Variants in MTBP observed in about 807,000 individuals in gnomAD.
MTBP encodes the protein MDM2 binding protein.
A neutral mutation model predicts 117.0 loss-of-function variants in MTBP; 101 were observed. The ratio of observed to expected loss-of-function variants is 0.86; its 90% CI spans 0.73 to 1.02. The LOEUF (loss-of-function observed/expected upper bound fraction) is 1.02, where lower values mean the gene tolerates loss of function less well. MTBP is among the 50% of genes least tolerant of loss of function. MTBP has a pLI of 0.00. For synonymous variants in MTBP, 350 were observed against 351.5 expected (o/e 1.00, Z 0.05); for missense variants, 970 against 1,030.9 (o/e 0.94, Z 0.81).
intron 11 of MTBP, among the ~76,000 whole-genome samples, chr8:120,484,817 C>A (rs1049162561): frequency 1.3e-5 from 2 of 152,138 alleles, no homozygotes; most frequent in African/African-American, 2.4e-5. Context: ...ATTTCCACCA[C>A]CCATTCCTCC....
At chr8:120,512,825 T>A (rs976142371) in intron 17 of MTBP, among the ~76,000 whole-genome samples, 3 of 151,834 alleles carry the variant, frequency 2.0e-5, no homozygotes. Flanking sequence ...TCAAGAAGAT[T>A]TGGGTGTATA....
At chr8:120,519,497 A>G (rs1397119840) in intron 20 of MTBP, among the ~76,000 whole-genome samples, 1 of 152,142 alleles carries the variant, frequency 6.6e-6, no homozygotes, top group Non-Finnish European at 1.5e-5. Flanking sequence ...AAACTTAGAC[A>G]ATGTTAGATT....
intron 13 of MTBP, among the ~76,000 whole-genome samples, chr8:120,492,346 G>A (rs890946547): frequency 3.9e-5 from 6 of 152,208 alleles, no homozygotes; most frequent in African/African-American, 7.2e-5. Context: ...AGAGGCAAAC[G>A]ACAGCAAAAG....
chr8:120,518,988 T>G lies in MTBP; in HGVS notation c.2610+171T>G, dbSNP rs201579832. 2.0e-5 allele frequency among the ~76,000 whole-genome samples: 3 copies of G among 152,172 alleles called. No individual in the cohort carries two copies. The East Asian group carries it at 5.8e-4, about 29-fold the overall frequency. ...CCAAAATACTTTATATTTGATTTGA[T>G]TTGAGTTCTCATATATAGAAAGCTA... On this transcript the variant is annotated intron_variant, in intron 20 of 21. Transcript: ENST00000305949.
At chr8:120,475,942 A>ATC (rs1813926757) in intron 11 of MTBP, among the ~76,000 whole-genome samples, 1 of 152,042 alleles carries the variant, frequency 6.6e-6, no homozygotes, top group Non-Finnish European at 1.5e-5. Context: ...ACTATGTGCC[A>ATC]TATGCTGTGG....
At chr8:120,489,694 A>C (rs895701092) in intron 12 of MTBP, among the ~76,000 whole-genome samples, 8 of 152,308 alleles carry the variant, frequency 5.3e-5, no homozygotes, top group Middle Eastern at 3.4e-3. Flanking sequence ...ACAGATAGGC[A>C]GCAAGGAACA....
At chr8:120,450,026 G>A (rs2130505788) in intron 2 of MTBP, among the ~76,000 whole-genome samples, 1 of 152,192 alleles carries the variant, frequency 6.6e-6, no homozygotes, top group South Asian at 2.1e-4. Flanking sequence ...AATTTAAAGG[G>A]ACCCCTTTTT....
chr8:120,511,881 A>G (rs1473603066), intron 17 of MTBP, among the ~76,000 whole-genome samples: 4 of 152,046 alleles, frequency 2.6e-5, no homozygotes, highest in African/African-American at 9.7e-5. Context: ...AAATACCCTT[A>G]TGTCAATATT....
chr8:120,467,841 T>G (rs1279670970), intron 10 of MTBP, among the ~76,000 whole-genome samples: 1 of 152,210 alleles, frequency 6.6e-6, no homozygotes, highest in Non-Finnish European at 1.5e-5. Flanking sequence ...TTTTCATATT[T>G]GTAGCAAATG....
rs761077318 is a variant in MTBP, at chr8:120,506,805, C to G, written c.1827C>G (p.Tyr609Ter). 1.9e-6 allele frequency: 3 copies of G among 1,613,452 alleles called. No individual in the cohort carries two copies. The South Asian group carries it at 3.3e-5, about 18-fold the overall frequency. ...TLLDAKELLK[Y>*]FTSDGLPIGD... is the part of the protein sequence containing the mutation. ...TGGATGCTAAAGAATTGCTGAAGTA[C>G]TTTACCTCAGATGGATTACCCATTG... Residue 609 changes from tyrosine to a stop codon, truncating the protein, a stop_gained, in exon 16 of 22, where the codon TAC (tyrosine) becomes TAG (stop). Transcript: ENST00000305949. LOFTEE classifies it high-confidence loss of function.
Position 120,502,590 on chromosome 8 carries a change from A to G in MTBP, c.1708A>G (p.Lys570Glu). The change falls in exon 15 of 22, where the codon AAA becomes GAA. Residue 570 changes from lysine to glutamate, a missense_variant. Coordinates refer to ENST00000305949, the MANE Select transcript of MTBP (RefSeq NM_022045.5). ...HVLQNLETFE[K>E]TKQKMRTGSL... Reference sequence around the variant, plus strand: ...TCTTCAAAATTTGGAAACTTTTGAAAAAACTAAACAAAAAATGAGGTAATA... The same window carrying G: ...TCTTCAAAATTTGGAAACTTTTGAAGAAACTAAACAAAAAATGAGGTAATA... The G allele has an allele frequency of 6.3e-7, 1 of 1,595,346 alleles. No homozygotes were observed. Among genetic ancestry groups the G allele is most frequent in the Non-Finnish European group, 8.6e-7 (1 of 1,168,786 alleles).
chr8:120,516,364 A>G (rs1398396796), intron 18 of MTBP, among the ~76,000 whole-genome samples, 173 bp downstream of exon 18: 2 of 152,004 alleles, frequency 1.3e-5, no homozygotes, highest in Non-Finnish European at 2.9e-5. Flanking sequence ...ATTTGGGAAA[A>G]AAACACAGTT....
At chr8:120,477,302 G>C (rs1782582065) in intron 11 of MTBP, among the ~76,000 whole-genome samples, 1 of 152,104 alleles carries the variant, frequency 6.6e-6, no homozygotes, top group South Asian at 2.1e-4. Context: ...AAAAACCCTA[G>C]AAGAAAACTT....
intron 2 of MTBP, 76 bp downstream of exon 2, chr8:120,446,589 G>A (rs997297519): frequency 6.7e-6 from 6 of 895,260 alleles, no homozygotes; most frequent in Non-Finnish European, 1.1e-5. Context: ...TGGACCCTAA[G>A]GAGTACAAGG....
intron 10 of MTBP, among the ~76,000 whole-genome samples, chr8:120,468,210 A>T (rs1298402573): frequency 6.6e-6 from 1 of 152,178 alleles, no homozygotes; most frequent in East Asian, 1.9e-4. Flanking sequence ...CTTTAAAAAG[A>T]TTATGGCTAT....
chr8:120,454,007 T>G lies in MTBP; in HGVS notation c.484+102T>G, dbSNP rs111336358. 2.3e-3 allele frequency: 1,423 copies of G among 617,558 alleles called. 21 individuals are homozygous for G. The African/African-American group carries it at 0.025, about 11-fold the overall frequency. The allele number at this position is 617,558 out of a possible 1,614,324, so 38.3% of individuals were successfully genotyped here. On this transcript the variant is annotated intron_variant, in intron 5 of 21. Transcript: ENST00000305949. ...TTATGTTAGTGTTCTCACTCTAATC[T>G]TTAAATTAAAAAATGCAAAACAATT...
At chr8:120,471,740 G>C (rs1017121165) in intron 11 of MTBP, 1 of 152,048 alleles carries the variant, frequency 6.6e-6, no homozygotes, top group Non-Finnish European at 1.5e-5. Context: ...GAAGGAATTG[G>C]AGCTTAGAGA....
chr8:120,495,484 G>C (rs537679301), intron 13 of MTBP, among the ~76,000 whole-genome samples: 2 of 152,036 alleles, frequency 1.3e-5, no homozygotes, highest in African/African-American at 4.8e-5. Flanking sequence ...TTAAATGGGA[G>C]AGTCATATCT....
chr8:120,472,161 G>A (rs1181110292), intron 11 of MTBP: 1 of 152,156 alleles, frequency 6.6e-6, no homozygotes. Context: ...CAGCGCCCTT[G>A]AATTTTGAGG....
Sources: gnomAD v4.1 joint callset for allele counts (sites outside exome capture counted in the v4.1 genomes callset) on GRCh38, gnomAD v4.1.1 for gene constraint, MANE v1.5 for transcripts, NCBI Gene and HGNC (gene_info 2026-07-23, HGNC 2026-07-21) for gene names.